ITGAM: variants seen among roughly 807,000 people sequenced by gnomAD.
The protein encoded by ITGAM is integrin subunit alpha M.
A neutral mutation model predicts 137.5 loss-of-function variants in ITGAM; 79 were observed. The observed-to-expected ratio is 0.57, with a 90% CI of 0.48 to 0.69. The LOEUF is 0.69. ITGAM is among the 30% of genes least tolerant of loss of function. The probability of loss-of-function intolerance (pLI) is 0.00; values close to 1 mark genes in which losing one functional copy is unlikely to be tolerated. For synonymous variants in ITGAM, 583 were observed against 592.3 expected (o/e 0.98, Z 0.23); for missense variants, 1,343 against 1,483.5 (o/e 0.91, Z 1.56).
intron 14 of ITGAM, among the ~76,000 whole-genome samples, chr16:31,313,593 G>A (rs1238982585): frequency 1.3e-5 from 2 of 152,204 alleles, no homozygotes; most frequent in Admixed American, 1.3e-4. Flanking sequence ...ATTCCATGGT[G>A]TATATGTACC....
chr16:31,287,039 A>C (rs1386863030), intron 12 of ITGAM, among the ~76,000 whole-genome samples: 1 of 152,190 alleles, frequency 6.6e-6, no homozygotes, highest in Admixed American at 6.5e-5. Context: ...TCTTTAATAC[A>C]CCTTGAGTTG....
chr16:31,309,554 T>G lies in ITGAM; in HGVS notation c.1707+11600T>G, dbSNP rs560540280. On this transcript the variant is annotated intron_variant, in intron 14 of 29. Coordinates refer to ENST00000544665, the MANE Select transcript of ITGAM (RefSeq NM_000632.4). ...TTTGAGCCTATGTGTGTCTCTGCAC[T>G]TGAGATGGGTTTCCTGAATACAGCA... is the stretch of plus-strand genomic sequence containing the variant. 9.1e-3 allele frequency among the ~76,000 whole-genome samples: 1,386 copies of G among 151,602 alleles called. 6 individuals are homozygous for G. Among genetic ancestry groups the G allele is most frequent in the Middle Eastern group, 0.014 (4 of 292 alleles).
rs2080085965 is a variant in ITGAM at position 31,291,446 on chromosome 16, A to G, written c.1357-6068A>G. Among the ~76,000 whole-genome samples the G allele has an allele frequency of 3.3e-5, 5 of 152,070 alleles. No individual in the cohort carries two copies. In the South Asian group the frequency reaches 1.0e-3, roughly 32 times the overall value. On this transcript the variant is annotated intron_variant, in intron 12 of 29. Coordinates refer to ENST00000544665, the MANE Select transcript of ITGAM (RefSeq NM_000632.4). ...CTCTATAGTGGCTTTACTAATTTAC[A>G]TTCCTACTAACAGTGCATGAGGGTT...
At chr16:31,295,032 T>C (rs190472155) in intron 12 of ITGAM, among the ~76,000 whole-genome samples, 2 of 152,312 alleles carry the variant, frequency 1.3e-5, no homozygotes, top group East Asian at 3.9e-4. Flanking sequence ...CAATTGACCA[T>C]AAATGCATAG....
intron 14 of ITGAM, among the ~76,000 whole-genome samples, chr16:31,301,907 T>A (rs2080200710): frequency 1.3e-5 from 2 of 152,186 alleles, no homozygotes; most frequent in South Asian, 4.1e-4. Flanking sequence ...TGAGTCAGTA[T>A]GCAGAACTCA....
At chr16:31,282,252 G>T (rs1371914540) in intron 12 of ITGAM, among the ~76,000 whole-genome samples, 10 of 152,152 alleles carry the variant, frequency 6.6e-5, no homozygotes, top group Admixed American at 6.5e-4. Context: ...GTGCAGAGCT[G>T]AGTTCAATTC....
intron 14 of ITGAM, among the ~76,000 whole-genome samples, chr16:31,305,010 T>C (rs928796212): frequency 6.6e-6 from 1 of 152,140 alleles, no homozygotes; most frequent in East Asian, 1.9e-4. Flanking sequence ...ATGATGTTGG[T>C]ATTTTGATGG....
In ITGAM at chr16:31,331,464, C is replaced by G. The variant is rs1040076926; in HGVS notation, c.3388-172C>G. On this transcript the variant is annotated intron_variant, in intron 29 of 29. Coordinates refer to ENST00000544665, the MANE Select transcript of ITGAM (RefSeq NM_000632.4). ...CGGGGCGCGCTGAGAACGAGTCGCC[C>G]TCCTTGTAGTTTCTGTTTTTCTCCA... 1.3e-4 allele frequency: 85 copies of G among 651,412 alleles called. 1 individual carries two copies. The East Asian group carries it at 2.5e-3, about 19-fold the overall frequency. 40.4% of individuals were successfully genotyped at this position (651,412 alleles called of 1,614,324 possible).
In ITGAM at chr16:31,330,371, G is replaced by T. The variant is rs748170419; in HGVS notation, c.3124G>T (p.Glu1042Ter). Residue 1042 changes from glutamate to a stop codon, truncating the protein, a stop_gained, in exon 27 of 30, where the codon GAA (glutamate) becomes TAA (stop). Coordinates refer to ENST00000544665, the MANE Select transcript of ITGAM (RefSeq NM_000632.4). LOFTEE classifies it high-confidence loss of function. ...CATCCCGTTCTTTGGCATCCAGGAA[G>T]AATTCAATGCTACCCTCAAAGGCAA... is the stretch of plus-strand genomic sequence containing the variant. ...CDIPFFGIQE[E>*]FNATLKGNLS... 5 of 1,613,900 alleles carry T rather than the reference G, an allele frequency of 3.1e-6. No homozygotes were observed. Among genetic ancestry groups the T allele is most frequent in the Non-Finnish European group, 4.2e-6 (5 of 1,179,878 alleles).
chr16:31,270,743 A>ATATATATATTT (rs1475429642), intron 5 of ITGAM, among the ~76,000 whole-genome samples: 2 of 106,196 alleles, frequency 1.9e-5, no homozygotes, highest in African/African-American at 4.8e-5. Flanking sequence ...ATATATATAT[A>ATATATATATTT]TGTTTTTAAC....
chr16:31,279,829 G>A (rs2079948559), intron 12 of ITGAM, among the ~76,000 whole-genome samples: 1 of 152,160 alleles, frequency 6.6e-6, no homozygotes, highest in African/African-American at 2.4e-5. Context: ...TATGTCCTGA[G>A]TGGTATTGCC....
chr16:31,319,818 C>CTT (rs563805517), intron 14 of ITGAM, among the ~76,000 whole-genome samples: 8 of 145,436 alleles, frequency 5.5e-5, no homozygotes, highest in African/African-American at 1.8e-4. Context: ...TCTTTTTGTA[C>CTT]TTTTTTTTTT....
At chr16:31,314,636 T>C (rs1311922756) in intron 14 of ITGAM, among the ~76,000 whole-genome samples, 3 of 152,156 alleles carry the variant, frequency 2.0e-5, no homozygotes, top group Non-Finnish European at 4.4e-5. Flanking sequence ...ACTGTAGCCT[T>C]GTAGTATAGT....
chr16:31,297,652 G>T lies in ITGAM; in HGVS notation c.1495G>T (p.Gly499Trp), dbSNP rs370728405. 4.3e-6 allele frequency: 7 copies of T among 1,612,380 alleles called. No homozygotes were observed. Among genetic ancestry groups the T allele is most frequent in the East Asian group, 2.2e-5 (1 of 44,856 alleles). Residue 499 changes from glycine (G) to tryptophan (W), a missense_variant and splice_region_variant, in exon 13 of 30, where the codon GGG (glycine) becomes TGG (tryptophan). Transcript: ENST00000544665. ...GGTGTCCGTGTGCCCCTTGCCCAGG[G>T]GGGTGAGTGGCAATGGGACCTGGGC... ...GQVSVCPLPR[G>W]RARWQCDAVL... is the part of the protein sequence containing the mutation.
At chr16:31,323,361 T>G (rs8052324) in intron 16 of ITGAM, among the ~76,000 whole-genome samples, 110,857 of 150,874 alleles carry the variant, frequency 0.73, 41,835 homozygotes, top group African/African-American at 0.91. Flanking sequence ...GGGAGGCGGA[T>G]GTTGCAGTGA....
intron 14 of ITGAM, among the ~76,000 whole-genome samples, chr16:31,311,005 A>G (rs1398657486): frequency 6.6e-6 from 1 of 152,206 alleles, no homozygotes; most frequent in Non-Finnish European, 1.5e-5. Flanking sequence ...CTGATCTTTG[A>G]CAAACCTGAC....
chr16:31,264,557 T>C (rs1052060509), intron 2 of ITGAM, among the ~76,000 whole-genome samples: 75 of 152,094 alleles, frequency 4.9e-4, no homozygotes, highest in African/African-American at 1.7e-3. Context: ...GGTGGAAGGA[T>C]TGTTTGAGCC....
intron 5 of ITGAM, among the ~76,000 whole-genome samples, chr16:31,269,502 G>A (rs771177318): frequency 1.3e-5 from 2 of 152,156 alleles, no homozygotes; most frequent in African/African-American, 2.4e-5. Context: ...GAATGAACAC[G>A]GACAGCTTGG....
intron 21 of ITGAM, among the ~76,000 whole-genome samples, chr16:31,326,100 T>C (rs1033491683): frequency 6.6e-6 from 1 of 152,074 alleles, no homozygotes; most frequent in Non-Finnish European, 1.5e-5. Context: ...TAAAATAAAG[T>C]ATACAGTTCA....
Sources: gnomAD v4.1 joint callset for allele counts (sites outside exome capture counted in the v4.1 genomes callset) on GRCh38, gnomAD v4.1.1 for gene constraint, MANE v1.5 for transcripts, NCBI Gene and HGNC (gene_info 2026-07-23, HGNC 2026-07-21) for gene names.